The following CHLSN variants were observed in gnomAD, a reference collection of about 807,000 sequenced individuals.
CHLSN encodes the protein protein cholesin.
the CHLSN span, among the ~76,000 whole-genome samples, chr7:1,113,444 G>C: frequency 6.6e-6 from 1 of 152,164 alleles, no homozygotes; most frequent in Non-Finnish European, 1.5e-5. Flanking sequence ...GTTCGGAGCA[G>C]GTGTGCGACC....
chr7:1,109,657 C>A, the CHLSN span, among the ~76,000 whole-genome samples: 1 of 152,046 alleles, frequency 6.6e-6, no homozygotes, highest in African/African-American at 2.4e-5. Context: ...CCTTTCCCGC[C>A]CGCCGGGCCC....
At chr7:1,049,100 G>A in the CHLSN span, among the ~76,000 whole-genome samples, 1 of 152,218 alleles carries the variant, frequency 6.6e-6, no homozygotes, top group Non-Finnish European at 1.5e-5. Flanking sequence ...CCATGCAAGC[G>A]CCACCCACAG....
chr7:1,021,626 A>G, the CHLSN span: 1 of 966,102 alleles, frequency 1.0e-6, no homozygotes, highest in Non-Finnish European at 1.2e-6. Flanking sequence ...TGCCAGCCCC[A>G]GTGTGACTGG....
chr7:1,042,690 C>G, the CHLSN span, among the ~76,000 whole-genome samples: 72 of 152,254 alleles, frequency 4.7e-4, no homozygotes, highest in African/African-American at 1.7e-3. Flanking sequence ...CTCTAGCATT[C>G]CCCAGCCACA....
At chr7:983,330 T>C in the CHLSN span, 35 of 1,539,268 alleles carry the variant, frequency 2.3e-5, no homozygotes, top group South Asian at 3.8e-4. Flanking sequence ...CCGCTGCCGC[T>C]CGTCGGGAAC....
chr7:1,131,488 T>C, the CHLSN span, among the ~76,000 whole-genome samples: 2 of 152,204 alleles, frequency 1.3e-5, no homozygotes, highest in African/African-American at 2.4e-5. Flanking sequence ...TAACAGCACA[T>C]TGGAAGAATA....
chr7:1,091,519 C>T, the CHLSN span: 11 of 549,162 alleles, frequency 2.0e-5, no homozygotes, highest in Non-Finnish European at 3.2e-5. Flanking sequence ...TGCACCATGC[C>T]GGTGTGAGGA....
chr7:1,044,335 A>AG, the CHLSN span, among the ~76,000 whole-genome samples: 1 of 152,276 alleles, frequency 6.6e-6, no homozygotes, highest in Non-Finnish European at 1.5e-5. Flanking sequence ...GTCCTCCCAC[A>AG]GGGAATCTCG....
At chr7:1,022,229 G>C in the CHLSN span, among the ~76,000 whole-genome samples, 1 of 152,200 alleles carries the variant, frequency 6.6e-6, no homozygotes, top group Non-Finnish European at 1.5e-5. Flanking sequence ...ACGCAGGCCT[G>C]CGGGGAGGCA....
chr7:1,016,483 G>C, the CHLSN span, among the ~76,000 whole-genome samples: 3 of 128,340 alleles, frequency 2.3e-5, no homozygotes, highest in Non-Finnish European at 4.8e-5. Flanking sequence ...CAGCACAGCA[G>C]CACACAGCAG....
the CHLSN span, among the ~76,000 whole-genome samples, chr7:1,099,078 C>A: frequency 7.2e-5 from 11 of 152,202 alleles, no homozygotes; most frequent in African/African-American, 2.4e-4. Context: ...GCCTCACTGT[C>A]ACGTTCTTGC....
the CHLSN span, among the ~76,000 whole-genome samples, chr7:1,012,226 G>A: frequency 9.6e-4 from 146 of 152,370 alleles, no homozygotes; most frequent in African/African-American, 3.3e-3. Context: ...GTGGCCGAGG[G>A]TCTGTCAGCC....
the CHLSN span, chr7:983,454 A>C: frequency 1.9e-5 from 26 of 1,350,508 alleles, no homozygotes; most frequent in East Asian, 4.1e-4. Context: ...CCTCCTGGGG[A>C]AGCCCAGCCC....
At chr7:1,018,097 C>T in the CHLSN span, among the ~76,000 whole-genome samples, 8 of 152,184 alleles carry the variant, frequency 5.3e-5, no homozygotes, top group Admixed American at 1.3e-4. Context: ...CATACACACG[C>T]GTGCACACAT....
chr7:1,058,727 G>A, the CHLSN span: 4 of 588,006 alleles, frequency 6.8e-6, no homozygotes, highest in African/African-American at 5.6e-5. Context: ...GTCTCCCCGA[G>A]GCCTGTGCGT....
the CHLSN span, among the ~76,000 whole-genome samples, chr7:1,103,047 G>C: frequency 1.3e-5 from 2 of 152,230 alleles, no homozygotes; most frequent in Non-Finnish European, 2.9e-5. Context: ...ACATGTCTGA[G>C]AGCAGACCTC....
chr7:1,041,708 C>T, the CHLSN span, among the ~76,000 whole-genome samples: 2 of 152,168 alleles, frequency 1.3e-5, no homozygotes, highest in Non-Finnish European at 2.9e-5. Flanking sequence ...GTGATCAGCA[C>T]GGCACACACT....
chr7:1,136,011 T>C, the CHLSN span, among the ~76,000 whole-genome samples: 5 of 119,844 alleles, frequency 4.2e-5, no homozygotes, highest in South Asian at 7.0e-4. Context: ...ATATATAAAA[T>C]ATATATGTAT....
At chr7:1,073,121 C>T in the CHLSN span, among the ~76,000 whole-genome samples, 1 of 152,166 alleles carries the variant, frequency 6.6e-6, no homozygotes, top group Non-Finnish European at 1.5e-5. Context: ...GCCCACCGAC[C>T]AAAACCAGGT....
Sources: gnomAD v4.1 joint callset for allele counts (sites outside exome capture counted in the v4.1 genomes callset) on GRCh38, gnomAD v4.1.1 for gene constraint, MANE v1.5 for transcripts, NCBI Gene and HGNC (gene_info 2026-07-23, HGNC 2026-07-21) for gene names.